Variants in SLC7A9 observed in about 807,000 individuals in gnomAD.
SLC7A9 encodes the protein B(0,+)-type amino acid transporter 1.
Under a neutral mutation model 54.1 loss-of-function variants are expected in SLC7A9, and 38 were observed. The observed-to-expected ratio is 0.70, with a 90% CI of 0.54 to 0.92. The LOEUF (loss-of-function observed/expected upper bound fraction) is 0.92. Among genes scored for constraint, SLC7A9 ranks in the 40% least tolerant of loss-of-function variants. The pLI is 0.00. For missense variants in SLC7A9, 537 were observed against 636.1 expected, an observed-to-expected ratio of 0.84 and a Z score of 1.68; for synonymous variants, 264 against 258.9, an observed-to-expected ratio of 1.02 and a Z score of -0.19.
At chr19:32,850,126 CA>C (rs1968426513) in intron 9 of SLC7A9, among the ~76,000 whole-genome samples, 1 of 149,320 alleles carries the variant, frequency 6.7e-6, no homozygotes, top group African/African-American at 2.5e-5. Flanking sequence ...TGGCACAAGA[CA>C]GGGGTGCCCT....
chr19:32,850,616 T>C (rs1310816645), intron 9 of SLC7A9, among the ~76,000 whole-genome samples: 1 of 151,978 alleles, frequency 6.6e-6, no homozygotes, highest in Non-Finnish European at 1.5e-5. Context: ...AGGTAATTTA[T>C]AGATTCAGTG....
chr19:32,853,054 T>C (rs866546288), intron 9 of SLC7A9, among the ~76,000 whole-genome samples: 1 of 151,844 alleles, frequency 6.6e-6, no homozygotes, highest in African/African-American at 2.4e-5. Context: ...GCTGGGATTA[T>C]AGGCGCCCAC....
chr19:32,860,328 G>A, intron 7 of SLC7A9: 1 of 1,378,386 alleles, frequency 7.3e-7, no homozygotes, highest in South Asian at 1.5e-5. Context: ...AGGCCGAGAT[G>A]GGCGAATCTC....
chr19:32,847,495 AAAAAG>A (rs1968334699), intron 9 of SLC7A9, among the ~76,000 whole-genome samples: 1 of 152,194 alleles, frequency 6.6e-6, no homozygotes, highest in Non-Finnish European at 1.5e-5. Context: ...AAAAAAGAAT[AAAAAG>A]AAATGAACAA....
At chr19:32,846,769 C>G (rs950529133) in intron 9 of SLC7A9, among the ~76,000 whole-genome samples, 1 of 152,212 alleles carries the variant, frequency 6.6e-6, no homozygotes, top group South Asian at 2.1e-4. Context: ...GGCAACCCCC[C>G]AGTAGGGGCA....
chr19:32,858,571 A>C (rs1176761899), intron 8 of SLC7A9, 28 bp from the exon 9 acceptor site: 3 of 1,576,510 alleles, frequency 1.9e-6, no homozygotes, highest in Non-Finnish European at 2.6e-6. Context: ...ATGAGTCCTG[A>C]GGGTCTTTCT....
Position 32,868,464 on chromosome 19 carries a change from G to A in SLC7A9, c.71C>T (p.Thr24Ile), listed in dbSNP as rs775776799. Residue 24 changes from threonine to isoleucine, a missense_variant, in exon 2 of 13, where the codon ACC becomes ATC. Physicochemically the swap from Thr to Ile is moderately conservative, Grantham distance 89. Transcript: ENST00000023064. ...KSIQSQEPKTTSLQKELGLIS... is the reference protein window; with the variant it reads ...KSIQSQEPKTISLQKELGLIS... The stretch of plus-strand genomic sequence containing the variant: ...CCGCCTTACCTCCTTTTGGAGACTG[G>A]TGGTCTTAGGCTCTTGGCTCTGGAT... 2 of 1,613,858 alleles carry A rather than the reference G, an allele frequency of 1.2e-6. No individual in the cohort carries two copies. Among genetic ancestry groups the A allele is most frequent in the African/African-American group, 2.7e-5 (2 of 74,902 alleles).
At chr19:32,833,034 G>A in intron 12 of SLC7A9, 115 bp downstream of exon 12, 1 of 1,026,066 alleles carries the variant, frequency 9.7e-7, no homozygotes, top group East Asian at 2.4e-5. Flanking sequence ...TGGGACGAGG[G>A]AGATCTGCCA....
At chr19:32,856,837 T>A in intron 9 of SLC7A9, among the ~76,000 whole-genome samples, 1 of 152,090 alleles carries the variant, frequency 6.6e-6, no homozygotes, top group East Asian at 1.9e-4. Context: ...TCAGCCCATA[T>A]AAGCAATTAT....
chr19:32,858,534 C>A lies in SLC7A9; in HGVS notation c.883G>T (p.Asp295Tyr). 6.2e-7 allele frequency: 1 copy of A among 1,611,928 alleles called. No individual in the cohort carries two copies. Among genetic ancestry groups the A allele is most frequent in the South Asian group, 1.1e-5 (1 of 90,992 alleles). The change falls in exon 9 of 13, where the codon GAC becomes TAC. Residue 295 changes from aspartate to tyrosine, a missense_variant. Asp to Tyr is a radical substitution (Grantham distance 160). Transcript: ENST00000023064. The part of the protein sequence containing the change: ...QSQAVAVTFG[D>Y]RVLYPASWIV... The stretch of plus-strand genomic sequence containing the variant: ...CAAGAAGCAGGATAGAGAACACGGT[C>A]ACCAAATGTCTGGTGAGAGAAGCGA...
At chr19:32,862,792 C>T in intron 4 of SLC7A9, 2 of 381,944 alleles carry the variant, frequency 5.2e-6, no homozygotes, top group South Asian at 4.4e-5. Context: ...CTGCCTCAGC[C>T]TCCTGAGTAG....
At chr19:32,848,934 A>C (rs1213712054) in intron 9 of SLC7A9, among the ~76,000 whole-genome samples, 1 of 152,192 alleles carries the variant, frequency 6.6e-6, no homozygotes, top group South Asian at 2.1e-4. Flanking sequence ...CTGAATGACT[A>C]CTGGGTACAT....
chr19:32,835,911 A>ATGTGTGTGTG (rs60204379), intron 11 of SLC7A9, among the ~76,000 whole-genome samples: 1 of 142,734 alleles, frequency 7.0e-6, no homozygotes, highest in Admixed American at 7.0e-5. Context: ...GTGTGTGTGT[A>ATGTGTGTGTG]TGTGTGTGTG....
At chr19:32,836,001 G>C (rs1376995359) in intron 11 of SLC7A9, among the ~76,000 whole-genome samples, 2 of 151,794 alleles carry the variant, frequency 1.3e-5, no homozygotes, top group Non-Finnish European at 2.9e-5. Context: ...TGCAACCTCT[G>C]CCTCCCAGGT....
intron 11 of SLC7A9, among the ~76,000 whole-genome samples, chr19:32,836,542 A>C: frequency 6.6e-6 from 1 of 152,074 alleles, no homozygotes; most frequent in Admixed American, 6.6e-5. Flanking sequence ...AAAAGCTGTC[A>C]GTTTTCAGAC....
At chr19:32,839,048 G>A (rs1187184265) in intron 11 of SLC7A9, among the ~76,000 whole-genome samples, 1 of 152,074 alleles carries the variant, frequency 6.6e-6, no homozygotes, top group Non-Finnish European at 1.5e-5. Context: ...CTTATTGGCA[G>A]CTTGTCTGGC....
chr19:32,865,002 G>C (rs1162173185), intron 2 of SLC7A9, among the ~76,000 whole-genome samples: 1 of 152,210 alleles, frequency 6.6e-6, no homozygotes, highest in African/African-American at 2.4e-5. Context: ...TGGCCACACT[G>C]TGTCACCCCC....
At chr19:32,845,975 G>A (rs1427174868) in intron 9 of SLC7A9, among the ~76,000 whole-genome samples, 1 of 152,208 alleles carries the variant, frequency 6.6e-6, no homozygotes, top group East Asian at 1.9e-4. Flanking sequence ...CTGTACTCTA[G>A]CCTGGATGAC....
intron 9 of SLC7A9, among the ~76,000 whole-genome samples, chr19:32,851,027 GATGGATTAAAGACTTAC>G (rs914478417): frequency 3.9e-5 from 6 of 152,132 alleles, no homozygotes; most frequent in Admixed American, 3.3e-4. Flanking sequence ...ATTAATTCAA[GATGGATTAAAGACTTAC>G]ATGTTAGACC....
Sources: gnomAD v4.1 joint callset for allele counts (sites outside exome capture counted in the v4.1 genomes callset) on GRCh38, gnomAD v4.1.1 for gene constraint, MANE v1.5 for transcripts, NCBI Gene and HGNC (gene_info 2026-07-23, HGNC 2026-07-21) for gene names.